MALT1: variants seen among roughly 807,000 people sequenced by gnomAD.
MALT1 encodes mucosa-associated lymphoid tissue lymphoma translocation protein 1.
MALT1 carries 36 observed loss-of-function variants against 85.5 expected under a neutral mutation model. The observed-to-expected ratio is 0.42, with a 90% confidence interval of 0.32 to 0.56. The LOEUF (loss-of-function observed/expected upper bound fraction) is 0.56. MALT1 is among the 20% of genes least tolerant of loss of function. MALT1 has a pLI of 0.10. For synonymous variants in MALT1, 359 were observed against 361.3 expected, an observed-to-expected ratio of 0.99 and a Z score of 0.07; for missense variants, 716 against 981.6, an observed-to-expected ratio of 0.73 and a Z score of 3.62.
At chr18:58,739,011 CTT>C (rs1462023877) in intron 13 of MALT1, among the ~76,000 whole-genome samples, 4 of 152,072 alleles carry the variant, frequency 2.6e-5, no homozygotes, top group African/African-American at 7.2e-5. Flanking sequence ...AGGAAGTTCT[CTT>C]AATTTTTTTG....
intron 4 of MALT1, among the ~76,000 whole-genome samples, chr18:58,701,867 G>T (rs911941925): frequency 4.6e-5 from 7 of 152,084 alleles, no homozygotes; most frequent in African/African-American, 1.7e-4. Flanking sequence ...ATAATCTTTC[G>T]TAAAAACAAA....
At chr18:58,704,153 C>G (rs1280270515) in intron 4 of MALT1, among the ~76,000 whole-genome samples, 1 of 151,998 alleles carries the variant, frequency 6.6e-6, no homozygotes, top group East Asian at 1.9e-4. Context: ...CATACAAGAC[C>G]TTTTCTGGAC....
At chr18:58,692,488 TC>T (rs1856381014) in intron 2 of MALT1, among the ~76,000 whole-genome samples, 26 of 66,634 alleles carry the variant, frequency 3.9e-4, no homozygotes, top group Admixed American at 3.4e-3. Flanking sequence ...CTCTCCCACC[TC>T]CCCACTCCCT....
chr18:58,745,414 A>C (rs1224431826), intron 15 of MALT1, among the ~76,000 whole-genome samples: 1 of 152,170 alleles, frequency 6.6e-6, no homozygotes, highest in Non-Finnish European at 1.5e-5. Flanking sequence ...CATTTCTAGG[A>C]ATCATTTGAA....
intron 1 of MALT1, among the ~76,000 whole-genome samples, 177 bp downstream of exon 1, chr18:58,672,029 C>A (rs1263452489): frequency 6.6e-6 from 1 of 152,140 alleles, no homozygotes; most frequent in African/African-American, 2.4e-5. Context: ...CCCCGGAACG[C>A]CTGGGGTTTG....
intron 2 of MALT1, among the ~76,000 whole-genome samples, chr18:58,692,437 A>T (rs62094983): frequency 0.17 from 6,849 of 41,194 alleles, 331 homozygotes; most frequent in East Asian, 0.36. Context: ...TCTCTCTCTC[A>T]CTCTCTCCCT....
In MALT1 at chr18:58,748,751, A is replaced by G. The variant is rs1197611330; in HGVS notation, c.*909A>G. On this transcript the variant is annotated 3_prime_UTR_variant, in exon 17 of 17. Transcript: ENST00000649217. ...TACCTAAAAGTTGGTTAAAAATGCA[A>G]TTGGCATTAACAAGGAAAAATACTG... is the stretch of plus-strand genomic sequence containing the variant. 5.1e-6 allele frequency: 1 copy of G among 196,242 alleles called. No homozygotes were observed. The highest frequency in any genetic ancestry group is 2.3e-5 in the African/African-American group (1 of 43,334). The allele number at this position is 196,242 out of a possible 1,614,324, so 12.2% of individuals were successfully genotyped here.
Position 58,696,337 on chromosome 18 carries a change from ATTTTTTTTTTTTTT to A in MALT1, c.377-16_377-3del, listed in dbSNP as rs574285957. On this transcript the variant is annotated splice_polypyrimidine_tract_variant and intron_variant, in intron 2 of 16. Transcript: ENST00000649217. ...AAGGAAAATCCCTCTTGTGACTTTA[ATTTTTTTTTTTTTT>A]TTTTTTTTTTTTAGGAATAAAGATT... The A allele has an allele frequency of 1.2e-5, 12 of 991,076 alleles. No individual in the cohort carries two copies. The highest frequency in any genetic ancestry group is 7.7e-5 in the East Asian group (2 of 25,910). The allele number at this position is 991,076 out of a possible 1,614,324, so 61.4% of individuals were successfully genotyped here. A position where few individuals can be genotyped will look rare whatever the true frequency, so the allele number is the denominator to read the frequency against.
Position 58,727,616 on chromosome 18 carries a change from G to GTTTT in MALT1, c.1222+4373_1222+4376dup, listed in dbSNP as rs751434443. Among the ~76,000 whole-genome samples the GTTTT allele has an allele frequency of 4.3e-3, 522 of 121,048 alleles. 17 individuals are homozygous for GTTTT. In the East Asian group the frequency reaches 0.048, roughly 11 times the overall value. The allele number at this position is 121,048 out of a possible 152,430, so 79.4% of individuals were successfully genotyped here. A position where few individuals can be genotyped will look rare whatever the true frequency, so the allele number is the denominator to read the frequency against. Reference sequence around the variant, plus strand: ...ACCCAGCCTGCCAAAGGTTTTTTGTGTTTTTTTTTTTGTTTTTTTTTTTTT... The same window carrying GTTTT: ...ACCCAGCCTGCCAAAGGTTTTTTGTGTTTTTTTTTTTTTTTGTTTTTTTTTTTTT... On this transcript the variant is annotated intron_variant, in intron 10 of 16. Transcript: ENST00000649217.
At chr18:58,729,438 G>C (rs937037313) in intron 10 of MALT1, among the ~76,000 whole-genome samples, 3 of 145,618 alleles carry the variant, frequency 2.1e-5, no homozygotes, top group Non-Finnish European at 3.0e-5. Context: ...GCAGTGAGCT[G>C]AGATCACACC....
At position 58,728,152 on chromosome 18, in the gene MALT1, A is replaced by G. The variant is rs114041981; in HGVS notation, c.1222+4901A>G. 4.2e-3 allele frequency among the ~76,000 whole-genome samples: 640 copies of G among 152,362 alleles called. 7 individuals are homozygous for G. Among genetic ancestry groups the G allele is most frequent in the African/African-American group, 0.014 (592 of 41,586 alleles). ...TTCTTGAATCATCCTCCCAAGAAAT[A>G]AAACTCCCTAAAGATCTAATTTGCA... On this transcript the variant is annotated intron_variant, in intron 10 of 16. Transcript: ENST00000649217.
At chr18:58,681,700 A>G (rs543294129) in intron 2 of MALT1, among the ~76,000 whole-genome samples, 4 of 152,332 alleles carry the variant, frequency 2.6e-5, no homozygotes, top group African/African-American at 9.6e-5. Context: ...GGAATAGTGC[A>G]GCCAAAAAAA....
chr18:58,709,947 A>G (rs759109760), intron 5 of MALT1, 29 bp from the exon 6 acceptor site: 13 of 1,339,958 alleles, frequency 9.7e-6, no homozygotes, highest in Non-Finnish European at 1.4e-5. Flanking sequence ...TAGAAGAGGA[A>G]GCATTTACAT....
Position 58,744,462 on chromosome 18 carries a change from A to G in MALT1, c.1878A>G (p.Ile626Met). 6.2e-7 allele frequency: 1 copy of G among 1,606,840 alleles called. No homozygotes were observed. The highest frequency in any genetic ancestry group is 8.5e-7 in the Non-Finnish European group (1 of 1,175,758). Residue 626 changes from isoleucine (I) to methionine (M), a missense_variant, in exon 15 of 17, where the codon ATA becomes ATG. Physicochemically the swap from Ile to Met is conservative, Grantham distance 10. Coordinates refer to ENST00000649217, the MANE Select transcript of MALT1 (RefSeq NM_006785.4). ...TAGTTTACAAACCACCGGAGATAAT[A>G]ATGTGTGATGCCTACGTTACTGATT... is the stretch of plus-strand genomic sequence containing the variant. ...TSIVYKPPEI[I>M]MCDAYVTDFP...
At chr18:58,742,421 T>C (rs1482976646) in intron 14 of MALT1, among the ~76,000 whole-genome samples, 2 of 152,170 alleles carry the variant, frequency 1.3e-5, no homozygotes. Flanking sequence ...TGGTACCTGC[T>C]TCAGGCTGGG....
At chr18:58,740,990 G>T (rs1026621629) in intron 13 of MALT1, among the ~76,000 whole-genome samples, 9 of 151,928 alleles carry the variant, frequency 5.9e-5, no homozygotes, top group Middle Eastern at 3.4e-3. Context: ...CATTTCAAAT[G>T]CTTCTTCTCT....
chr18:58,710,860 C>CCAA, intron 6 of MALT1, 61 bp from the exon 7 acceptor site: 1 of 1,128,834 alleles, frequency 8.9e-7, no homozygotes, highest in Non-Finnish European at 1.3e-6. Context: ...ATTTGCTTGA[C>CCAA]GGCTGCCCTT....
At chr18:58,683,857 AT>A (rs2054358194) in intron 2 of MALT1, among the ~76,000 whole-genome samples, 1 of 151,756 alleles carries the variant, frequency 6.6e-6, no homozygotes, top group Non-Finnish European at 1.5e-5. Flanking sequence ...AAAGCAGTTT[AT>A]TTTTTTCTTT....
chr18:58,745,552 C>G, intron 15 of MALT1, 114 bp from the exon 16 acceptor site: 1 of 877,866 alleles, frequency 1.1e-6, no homozygotes, highest in Non-Finnish European at 1.7e-6. Context: ...CCAAAATTCA[C>G]GAGAGGCCAG....
Sources: gnomAD v4.1 joint callset for allele counts (sites outside exome capture counted in the v4.1 genomes callset) on GRCh38, gnomAD v4.1.1 for gene constraint, MANE v1.5 for transcripts, NCBI Gene and HGNC (gene_info 2026-07-23, HGNC 2026-07-21) for gene names.